FSTL4: variants seen among roughly 807,000 people sequenced by gnomAD.
The protein encoded by FSTL4 is follistatin like 4.
A neutral mutation model predicts 78.2 loss-of-function variants in FSTL4; 28 were observed. The ratio of observed to expected loss-of-function variants is 0.36; its 90% CI spans 0.27 to 0.49. The LOEUF is 0.49. Ranked by LOEUF, FSTL4 falls within the 20% of genes least tolerant of loss-of-function variation. FSTL4 has a pLI of 0.98. For synonymous variants in FSTL4, 422 were observed against 440.5 expected, an observed-to-expected ratio of 0.96 and a Z score of 0.53; for missense variants, 922 against 1,084.9, an observed-to-expected ratio of 0.85 and a Z score of 2.11.
the FSTL4 span, among the ~76,000 whole-genome samples, chr5:133,641,269 C>CAA: frequency 2.0e-5 from 3 of 150,846 alleles, no homozygotes; most frequent in African/African-American, 7.3e-5. Flanking sequence ...CACACAAAAA[C>CAA]AAAAAAAAAC....
intron 2 of FSTL4, among the ~76,000 whole-genome samples, chr5:133,590,974 C>T (rs1321476380): frequency 2.6e-5 from 4 of 152,174 alleles, no homozygotes; most frequent in Non-Finnish European, 5.9e-5. Context: ...GCCTTCGTTA[C>T]CTAAACACCC....
chr5:133,459,450 G>A (rs184020741), intron 3 of FSTL4, among the ~76,000 whole-genome samples: 322 of 151,850 alleles, frequency 2.1e-3, no homozygotes, highest in Middle Eastern at 0.01. Flanking sequence ...TTAATTCCAG[G>A]TTAAAAAAAA....
Position 133,532,689 on chromosome 5 carries a change from G to A in FSTL4, c.160+34497C>T, listed in dbSNP as rs150592287. ...AACAGGACAAAAATGTACATTGCAC[G>A]GTAAACATACGCTGGATTTGCTCTG... On this transcript the variant is annotated intron_variant, in intron 3 of 15. Transcript: ENST00000265342. Among the ~76,000 whole-genome samples the A allele has an allele frequency of 4.6e-5, 7 of 152,114 alleles. No individual in the cohort carries two copies. In the East Asian group the frequency reaches 9.6e-4, roughly 21 times the overall value.
chr5:133,312,329 C>A, intron 6 of FSTL4: 1 of 264,552 alleles, frequency 3.8e-6, no homozygotes, highest in Non-Finnish European at 7.1e-6. Context: ...GCCCTAAAAT[C>A]TGCTTCCTTC....
the FSTL4 span, among the ~76,000 whole-genome samples, chr5:133,821,985 G>T: frequency 6.6e-6 from 1 of 152,174 alleles, no homozygotes; most frequent in African/African-American, 2.4e-5. Flanking sequence ...ACCCTGGGGG[G>T]TCACACTCAG....
chr5:133,199,776 C>CTTG lies in FSTL4; in HGVS notation c.1845_1847dup (p.Asn615dup). ...CCACCTTGTGGACTGCAGGATCAGA[C>CTTG]TTGTTGAAGATGAAGCCAAACCTGG... On this transcript the variant is annotated inframe_insertion, in exon 16 of 16. Coordinates refer to ENST00000265342, the MANE Select transcript of FSTL4 (RefSeq NM_015082.2). The surrounding 1 kb of genome is among the most constrained non-coding windows in gnomAD (Gnocchi z 4.4). The CTTG allele has an allele frequency of 1.3e-6, 2 of 1,554,562 alleles. No homozygotes were observed. Among genetic ancestry groups the CTTG allele is most frequent in the Non-Finnish European group, 1.7e-6 (2 of 1,145,300 alleles).
intron 3 of FSTL4, among the ~76,000 whole-genome samples, chr5:133,470,732 T>G (rs1757805003): frequency 7.6e-6 from 1 of 131,272 alleles, no homozygotes; most frequent in African/African-American, 3.0e-5. Flanking sequence ...GGAACAAGAG[T>G]GAAACTCTGC....
chr5:133,400,967 C>G lies in FSTL4; in HGVS notation c.180G>C (p.Glu60Asp). 1 of 1,613,180 alleles carries G rather than the reference C, an allele frequency of 6.2e-7. No individual in the cohort carries two copies. Among genetic ancestry groups the G allele is most frequent in the African/African-American group, 1.3e-5 (1 of 75,064 alleles). Residue 60 changes from glutamate (E) to aspartate (D), a missense_variant, in exon 4 of 16, where the codon GAG (glutamate) becomes GAC (aspartate). By Grantham distance (45) the Glu-to-Asp change is conservative. Coordinates refer to ENST00000265342, the MANE Select transcript of FSTL4 (RefSeq NM_015082.2). ...ACTTCTTCCCGCAGGAGGCCAGCAG[C>G]TCGTTGTGGCTGGAAAGCCCTGCCA... is the stretch of plus-strand genomic sequence containing the variant. ...TRREGLSSHN[E>D]LLASCGKKFC...
intron 2 of FSTL4, among the ~76,000 whole-genome samples, chr5:133,587,567 C>A (rs1245292222): frequency 1.4e-4 from 1 of 7,006 alleles, no homozygotes; most frequent in Admixed American, 1.9e-3. Context: ...CCTAGGAATC[C>A]AACTTACAAG....
chr5:133,555,043 G>A (rs1053842221), intron 3 of FSTL4, among the ~76,000 whole-genome samples: 1 of 152,178 alleles, frequency 6.6e-6, no homozygotes, highest in African/African-American at 2.4e-5. Flanking sequence ...ATAATGAATG[G>A]ATTTTTCTGG....
chr5:133,738,599 T>G, the FSTL4 span, among the ~76,000 whole-genome samples: 4 of 152,188 alleles, frequency 2.6e-5, no homozygotes, highest in African/African-American at 9.6e-5. Context: ...AGAACTTCTG[T>G]GGCCTCTCTA....
chr5:133,474,991 GGCT>G (rs1452265224), intron 3 of FSTL4, among the ~76,000 whole-genome samples: 26 of 152,212 alleles, frequency 1.7e-4, no homozygotes, highest in Non-Finnish European at 2.9e-4. Context: ...GGTTCCCAAA[GGCT>G]GTCCTCAGCA....
At chr5:133,301,510 C>A (rs1180703716) in intron 6 of FSTL4, among the ~76,000 whole-genome samples, 1 of 152,132 alleles carries the variant, frequency 6.6e-6, no homozygotes, top group Non-Finnish European at 1.5e-5. Context: ...AGAGACGCCA[C>A]CCAGATGGAG....
At chr5:133,600,463 G>T (rs1415473176) in intron 2 of FSTL4, among the ~76,000 whole-genome samples, 2 of 151,714 alleles carry the variant, frequency 1.3e-5, no homozygotes, top group African/African-American at 4.9e-5. Context: ...TCAATAAATT[G>T]TACCTCTCAG....
chr5:133,565,014 G>C (rs542175161), intron 3 of FSTL4, among the ~76,000 whole-genome samples: 4 of 152,122 alleles, frequency 2.6e-5, no homozygotes, highest in Non-Finnish European at 5.9e-5. Flanking sequence ...TCCTGAGTCA[G>C]GTACAGTATT....
At chr5:133,297,003 T>C (rs1023120836) in intron 6 of FSTL4, among the ~76,000 whole-genome samples, 3 of 152,162 alleles carry the variant, frequency 2.0e-5, no homozygotes, top group Admixed American at 2.0e-4. Context: ...TAAGGTCACA[T>C]GGGCAGGGAG....
chr5:133,205,460 A>AAATT (rs1324666456), intron 14 of FSTL4, among the ~76,000 whole-genome samples: 10 of 152,098 alleles, frequency 6.6e-5, no homozygotes, highest in African/African-American at 2.4e-4. Context: ...TTTTTAAAAT[A>AAATT]AATTATCCTT....
At chr5:133,516,277 T>C (rs1758850839) in intron 3 of FSTL4, among the ~76,000 whole-genome samples, 1 of 152,106 alleles carries the variant, frequency 6.6e-6, no homozygotes, top group Non-Finnish European at 1.5e-5. Flanking sequence ...AGGAGAAAAT[T>C]ATCATATTTT....
rs777498985 is a variant in FSTL4 at position 133,199,077 on chromosome 5, G to C, written c.*18C>G. Reference sequence around the variant, plus strand: ...GACTAGGGGGTGTTCCTTGGCCCAGGGCTCTGCTCTGGGCCCTTCATACCT... The same window carrying C: ...GACTAGGGGGTGTTCCTTGGCCCAGCGCTCTGCTCTGGGCCCTTCATACCT... On this transcript the variant is annotated 3_prime_UTR_variant, in exon 16 of 16. Coordinates refer to ENST00000265342, the MANE Select transcript of FSTL4 (RefSeq NM_015082.2). The surrounding 1 kb of genome is among the most constrained non-coding windows in gnomAD (Gnocchi z 4.4). The C allele has an allele frequency of 2.1e-6, 3 of 1,435,106 alleles. No homozygotes were observed. Among genetic ancestry groups the C allele is most frequent in the Non-Finnish European group, 2.8e-6 (3 of 1,061,250 alleles). 88.9% of individuals were successfully genotyped at this position (1,435,106 alleles called of 1,614,324 possible).
Sources: gnomAD v4.1 joint callset for allele counts (sites outside exome capture counted in the v4.1 genomes callset) on GRCh38, gnomAD v4.1.1 for gene constraint, Gnocchi (gnomAD v3.1) non-coding constraint, MANE v1.5 for transcripts, NCBI Gene and HGNC (gene_info 2026-07-23, HGNC 2026-07-21) for gene names.